The following FRMD4B variants were observed in gnomAD, a reference collection of about 807,000 sequenced individuals.
FRMD4B encodes the protein FERM domain containing 4B.
FRMD4B carries 74 observed loss-of-function variants against 141.5 expected under a neutral mutation model. The ratio of observed to expected loss-of-function variants is 0.52; its 90% CI spans 0.43 to 0.63. The LOEUF (loss-of-function observed/expected upper bound fraction) is 0.63, where lower values mean the gene tolerates loss of function less well. FRMD4B is among the 30% of genes least tolerant of loss of function. The probability of loss-of-function intolerance (pLI) is 0.00; values close to 1 mark genes in which losing one functional copy is unlikely to be tolerated. For synonymous variants in FRMD4B, 506 were observed against 467.9 expected (o/e 1.08, Z -1.05); for missense variants, 1,366 against 1,253.4 (o/e 1.09, Z -1.36).
intron 1 of FRMD4B, among the ~76,000 whole-genome samples, chr3:69,529,326 A>C (rs1416240538): frequency 2.0e-5 from 3 of 152,248 alleles, no homozygotes; most frequent in Non-Finnish European, 4.4e-5. Flanking sequence ...TCTAGGGAAT[A>C]ACCAAGCATG....
intron 1 of FRMD4B, among the ~76,000 whole-genome samples, chr3:69,506,079 C>A (rs1706590318): frequency 6.6e-6 from 1 of 152,128 alleles, no homozygotes; most frequent in Non-Finnish European, 1.5e-5. Context: ...CCCCTGGACA[C>A]GCTTCCTCCA....
At chr3:69,201,483 T>G (rs2092967306) in intron 11 of FRMD4B, among the ~76,000 whole-genome samples, 1 of 152,196 alleles carries the variant, frequency 6.6e-6, no homozygotes, top group Admixed American at 6.5e-5. Context: ...TGGTCTGTTT[T>G]GTACAAGAGT....
At chr3:69,394,953 G>A (rs1046352599) in intron 2 of FRMD4B, among the ~76,000 whole-genome samples, 2 of 152,146 alleles carry the variant, frequency 1.3e-5, no homozygotes, top group African/African-American at 2.4e-5. Context: ...ACTCATAAGT[G>A]GTAGTTGAAC....
intron 5 of FRMD4B, among the ~76,000 whole-genome samples, chr3:69,253,112 T>C (rs2093473130): frequency 6.6e-6 from 1 of 151,630 alleles, no homozygotes; most frequent in Non-Finnish European, 1.5e-5. Flanking sequence ...AGGTTTTGAT[T>C]ACCAAGTAGG....
chr3:69,352,902 T>C (rs1703194851), intron 1 of FRMD4B, among the ~76,000 whole-genome samples: 1 of 152,190 alleles, frequency 6.6e-6, no homozygotes, highest in Non-Finnish European at 1.5e-5. Flanking sequence ...GGGCTGCTAA[T>C]GAGCTCTAGG....
chr3:69,270,669 G>A (rs1378227494), intron 5 of FRMD4B, among the ~76,000 whole-genome samples: 1 of 151,634 alleles, frequency 6.6e-6, no homozygotes, highest in Non-Finnish European at 1.5e-5. Context: ...AGGTTCAGGT[G>A]ATTCTCCTGC....
At chr3:69,534,972 AAAT>A (rs10537162) in intron 1 of FRMD4B, among the ~76,000 whole-genome samples, 34,233 of 152,014 alleles carry the variant, frequency 0.23, 3,960 homozygotes, top group Admixed American at 0.27. Context: ...CACAAAGCAC[AAAT>A]AATAATAGCT....
chr3:69,298,116 A>G (rs764151666), intron 4 of FRMD4B, among the ~76,000 whole-genome samples: 1 of 152,240 alleles, frequency 6.6e-6, no homozygotes, highest in Non-Finnish European at 1.5e-5. Context: ...AGTAAATGAG[A>G]CAATACTTTT....
At chr3:69,468,099 C>A (rs1446055137) in intron 1 of FRMD4B, among the ~76,000 whole-genome samples, 1 of 152,194 alleles carries the variant, frequency 6.6e-6, no homozygotes, top group Non-Finnish European at 1.5e-5. Flanking sequence ...GAAAACAGAT[C>A]AAATTTTTCC....
chr3:69,227,753 T>G (rs926483194), intron 7 of FRMD4B, among the ~76,000 whole-genome samples: 1 of 152,232 alleles, frequency 6.6e-6, no homozygotes, highest in African/African-American at 2.4e-5. Flanking sequence ...GCACTGAAAC[T>G]ATTCTGTATG....
In FRMD4B at chr3:69,205,411, G is replaced by A. The variant is rs113718616; in HGVS notation, c.877-6637C>T. ...TCTTGTAGAGATGGGGTCTTCCTGTGTTGCCCAGGCTGGTCTTGAACTCCT... is the reference window on the plus strand; with the variant it reads ...TCTTGTAGAGATGGGGTCTTCCTGTATTGCCCAGGCTGGTCTTGAACTCCT... On this transcript the variant is annotated intron_variant, in intron 11 of 22. Transcript: ENST00000398540. Among the ~76,000 whole-genome samples the A allele has an allele frequency of 2.6e-3, 390 of 152,194 alleles. 2 individuals are homozygous for A. The highest frequency in any genetic ancestry group is 9.0e-3 in the African/African-American group (372 of 41,524).
intron 1 of FRMD4B, among the ~76,000 whole-genome samples, chr3:69,491,135 C>A (rs1428209353): frequency 3.3e-5 from 5 of 152,126 alleles, no homozygotes; most frequent in African/African-American, 1.2e-4. Context: ...CTTGCACTTC[C>A]AATGCAAGGA....
At chr3:69,485,896 C>A (rs939686591) in intron 1 of FRMD4B, among the ~76,000 whole-genome samples, 1 of 152,246 alleles carries the variant, frequency 6.6e-6, no homozygotes, top group African/African-American at 2.4e-5. Context: ...GCAGCCACAC[C>A]AGAAGGCCCA....
rs148676582 is a variant in FRMD4B at position 69,357,950 on chromosome 3, C to A, written c.162+27878G>T. ...ATATTTCTTGAGCATCAAATACATG[C>A]AGAGGCCTTACAAGGAAGTCAAATA... On this transcript the variant is annotated intron_variant, in intron 1 of 22. Coordinates refer to ENST00000398540, the MANE Select transcript of FRMD4B (RefSeq NM_015123.3). Among the ~76,000 whole-genome samples, 625 of 152,300 alleles carry A rather than the reference C, an allele frequency of 4.1e-3. 3 individuals carry two copies. Among genetic ancestry groups the A allele is most frequent in the African/African-American group, 0.013 (558 of 41,552 alleles).
intron 1 of FRMD4B, among the ~76,000 whole-genome samples, chr3:69,358,623 A>T (rs2107458003): frequency 6.6e-6 from 1 of 152,198 alleles, no homozygotes; most frequent in Non-Finnish European, 1.5e-5. Flanking sequence ...ATAGTCCCAG[A>T]TACTCAGGAG....
intron 1 of FRMD4B, among the ~76,000 whole-genome samples, chr3:69,346,321 T>C (rs1177404095): frequency 1.3e-5 from 2 of 152,034 alleles, no homozygotes; most frequent in African/African-American, 4.8e-5. Context: ...CCAAGAAATA[T>C]GGGACTATGT....
chr3:69,398,350 G>A (rs1419850061), intron 2 of FRMD4B, among the ~76,000 whole-genome samples: 2 of 152,148 alleles, frequency 1.3e-5, no homozygotes, highest in Non-Finnish European at 2.9e-5. Context: ...GTGATCAGAT[G>A]AGGGTGATTA....
At chr3:69,175,638 A>G (rs532432986) in intron 22 of FRMD4B, among the ~76,000 whole-genome samples, 30 of 152,272 alleles carry the variant, frequency 2.0e-4, no homozygotes, top group Non-Finnish European at 4.0e-4. Context: ...AGAGACTTAA[A>G]TGGACATATC....
chr3:69,447,680 C>A (rs1451902823), intron 1 of FRMD4B, among the ~76,000 whole-genome samples: 1 of 152,026 alleles, frequency 6.6e-6, no homozygotes, highest in African/African-American at 2.4e-5. Flanking sequence ...CCTTTATATC[C>A]CTTTGTGCTC....
Sources: gnomAD v4.1 joint callset for allele counts (sites outside exome capture counted in the v4.1 genomes callset) on GRCh38, gnomAD v4.1.1 for gene constraint, MANE v1.5 for transcripts, NCBI Gene and HGNC (gene_info 2026-07-23, HGNC 2026-07-21) for gene names.